Variants in RAPGEF5 observed in about 807,000 individuals in gnomAD.
RAPGEF5 encodes Rap guanine nucleotide exchange factor 5, also known as M-Ras-regulated GEF.
Under a neutral mutation model 125.2 loss-of-function variants are expected in RAPGEF5, and 65 were observed. The observed-to-expected ratio is 0.52, with a 90% CI of 0.43 to 0.64. The LOEUF is 0.64. RAPGEF5 is among the 30% of genes least tolerant of loss of function. RAPGEF5 has a pLI of 0.00. For synonymous variants in RAPGEF5, 391 were observed against 385.9 expected, an observed-to-expected ratio of 1.01 and a Z score of -0.16; for missense variants, 958 against 1,048.1, an observed-to-expected ratio of 0.91 and a Z score of 1.19.
intron 6 of RAPGEF5, among the ~76,000 whole-genome samples, chr7:22,283,834 C>T (rs892237571): frequency 6.6e-6 from 1 of 152,128 alleles, no homozygotes; most frequent in African/African-American, 2.4e-5. Flanking sequence ...TTCATTGAGA[C>T]ATTTTACCCT....
chr7:22,264,443 A>G (rs551611815), intron 7 of RAPGEF5, among the ~76,000 whole-genome samples: 5 of 152,354 alleles, frequency 3.3e-5, no homozygotes, highest in African/African-American at 1.2e-4. Flanking sequence ...TCACAACATA[A>G]TAAAATTGAC....
chr7:22,273,322 C>T lies in RAPGEF5; in HGVS notation c.748-6310G>A, dbSNP rs568027412. Among the ~76,000 whole-genome samples, 7 of 149,026 alleles carry T rather than the reference C, an allele frequency of 4.7e-5. No individual in the cohort carries two copies. The South Asian group carries it at 1.5e-3, about 32-fold the overall frequency. ...CAAGCTCCGCCTCCCGGGTTCACGC[C>T]ATTCTCCCGCCTCAGCCTCCTGAGT... On this transcript the variant is annotated intron_variant, in intron 6 of 25. Transcript: ENST00000665637.
At chr7:22,206,102 C>CT (rs1785390787) in intron 9 of RAPGEF5, among the ~76,000 whole-genome samples, 3 of 152,146 alleles carry the variant, frequency 2.0e-5, no homozygotes, top group Admixed American at 2.0e-4. Flanking sequence ...ATTGCAGAAT[C>CT]TGGGGGGAAG....
intron 7 of RAPGEF5, among the ~76,000 whole-genome samples, chr7:22,247,680 T>C (rs369724544): frequency 1.5e-3 from 225 of 152,248 alleles, no homozygotes; most frequent in African/African-American, 5.1e-3. Flanking sequence ...AGGGTATTTC[T>C]TCATAGCAGT....
Position 22,291,176 on chromosome 7 carries a change from G to A in RAPGEF5, c.746C>T (p.Ala249Val), listed in dbSNP as rs368581183. 5.5e-5 allele frequency: 87 copies of A among 1,588,516 alleles called. No individual in the cohort carries two copies. Among genetic ancestry groups the A allele is most frequent in the Admixed American group, 7.1e-5 (4 of 56,144 alleles). The change falls in exon 6 of 26, where the codon GCG becomes GTG. Residue 249 changes from alanine to valine, a missense_variant and splice_region_variant. Ala to Val is a moderately conservative substitution (Grantham distance 64, BLOSUM62 0). Transcript: ENST00000665637. The part of the protein sequence containing the change: ...SDEILVRLTS[A>V]VQRELAAVIA... ...GGCAGGAAAATTGCATGGTCTTACC[G>A]CAGATGTTAGACGCACAAGAATTTC... is the stretch of plus-strand genomic sequence containing the variant.
chr7:22,240,943 C>T (rs948660525), intron 7 of RAPGEF5, among the ~76,000 whole-genome samples: 1 of 152,194 alleles, frequency 6.6e-6, no homozygotes, highest in Admixed American at 6.5e-5. Context: ...GTGCTTTAGG[C>T]CATCTCATTT....
chr7:22,252,186 G>A (rs2128138523), intron 7 of RAPGEF5, among the ~76,000 whole-genome samples: 1 of 152,324 alleles, frequency 6.6e-6, no homozygotes, highest in Non-Finnish European at 1.5e-5. Context: ...ACATGTGCAA[G>A]AAGAAGTAGG....
In RAPGEF5 at chr7:22,123,336, A is replaced by AACAC. The variant is rs140529768; in HGVS notation, c.2537-819_2537-816dup. Among the ~76,000 whole-genome samples the AACAC allele has an allele frequency of 1.6e-4, 25 of 151,936 alleles. 1 individual carries two copies. In the East Asian group the frequency reaches 4.6e-3, roughly 28 times the overall value. ...GAGGCAAGCCCGTGCACCACAGTCA[A>AACAC]ACACACACACACACAAGCAAACCAT... On this transcript the variant is annotated intron_variant, in intron 25 of 25. Transcript: ENST00000665637.
chr7:22,349,468 G>C, intron 1 of RAPGEF5, among the ~76,000 whole-genome samples: 1 of 147,010 alleles, frequency 6.8e-6, no homozygotes, highest in South Asian at 2.2e-4. Context: ...AACATTAATT[G>C]ATTGTGCATT....
At chr7:22,310,148 A>G in intron 3 of RAPGEF5, 58 bp from the exon 4 acceptor site, 1 of 1,415,360 alleles carries the variant, frequency 7.1e-7, no homozygotes. Context: ...TTGCCAAAAA[A>G]ACAAAAATGA....
rs144604423 is a variant in RAPGEF5 at position 22,126,900 on chromosome 7, G to C, written c.2482-1242C>G. 2.6e-5 allele frequency among the ~76,000 whole-genome samples: 4 copies of C among 152,218 alleles called. No individual in the cohort carries two copies. In the East Asian group the frequency reaches 5.8e-4, roughly 22 times the overall value. On this transcript the variant is annotated intron_variant, in intron 24 of 25. Coordinates refer to ENST00000665637, the MANE Select transcript of RAPGEF5 (RefSeq NM_012294.5). ...GGCCTCCCAGAATGCTGAGATTATAGGTGTGAGCCACTGTGGCCGGCCAAC... is the reference window on the plus strand; with the variant it reads ...GGCCTCCCAGAATGCTGAGATTATACGTGTGAGCCACTGTGGCCGGCCAAC...
chr7:22,170,150 G>C (rs898318940), intron 11 of RAPGEF5, among the ~76,000 whole-genome samples: 1 of 152,136 alleles, frequency 6.6e-6, no homozygotes, highest in Non-Finnish European at 1.5e-5. Flanking sequence ...CGCCTCCCAG[G>C]TTCAAGTGAT....
chr7:22,136,202 C>T, intron 22 of RAPGEF5, 77 bp from the exon 23 acceptor site: 1 of 1,109,104 alleles, frequency 9.0e-7, no homozygotes, highest in Non-Finnish European at 1.3e-6. Context: ...ACCTTTGCTA[C>T]ACAATTTGAA....
chr7:22,322,164 C>T lies in RAPGEF5; in HGVS notation c.232-4127G>A, dbSNP rs1163068651. Reference sequence around the variant, plus strand: ...TTCTTTTTTTTTTTTGAGACAGGTTCTCACCATGTCGTCCAGGCTGGAGTG... The same window carrying T: ...TTCTTTTTTTTTTTTGAGACAGGTTTTCACCATGTCGTCCAGGCTGGAGTG... On this transcript the variant is annotated intron_variant, in intron 1 of 25. Coordinates refer to ENST00000665637, the MANE Select transcript of RAPGEF5 (RefSeq NM_012294.5). Among the ~76,000 whole-genome samples, 3 of 149,810 alleles carry T rather than the reference C, an allele frequency of 2.0e-5. No individual in the cohort carries two copies. In the East Asian group the frequency reaches 5.9e-4, roughly 29 times the overall value.
chr7:22,313,234 TA>T (rs1158633729), intron 3 of RAPGEF5, among the ~76,000 whole-genome samples: 7 of 152,256 alleles, frequency 4.6e-5, no homozygotes, highest in Non-Finnish European at 1.0e-4. Context: ...ATAGTAATGC[TA>T]CAATAATCTT....
intron 8 of RAPGEF5, among the ~76,000 whole-genome samples, chr7:22,226,922 C>T (rs771259096): frequency 2.6e-5 from 4 of 152,132 alleles, no homozygotes; most frequent in Non-Finnish European, 4.4e-5. Flanking sequence ...AGAAACCACA[C>T]TTACATGAAA....
At chr7:22,319,970 C>T (rs1783683379) in intron 1 of RAPGEF5, among the ~76,000 whole-genome samples, 1 of 152,154 alleles carries the variant, frequency 6.6e-6, no homozygotes, top group African/African-American at 2.4e-5. Flanking sequence ...CACACAATTC[C>T]ACTTAACAGA....
intron 7 of RAPGEF5, among the ~76,000 whole-genome samples, chr7:22,256,259 A>C (rs961628015): frequency 3.3e-5 from 5 of 152,208 alleles, no homozygotes; most frequent in Admixed American, 2.0e-4. Context: ...TAAACTCTAC[A>C]GAGTCCTTGA....
intron 7 of RAPGEF5, among the ~76,000 whole-genome samples, chr7:22,258,641 A>AG: frequency 6.6e-6 from 1 of 150,868 alleles, no homozygotes; most frequent in Non-Finnish European, 1.5e-5. Flanking sequence ...AAAAAAAAAA[A>AG]AAAAAAAAGA....
Sources: allele counts gnomAD v4.1 joint callset (sites outside exome capture counted in the v4.1 genomes callset), GRCh38; gene constraint gnomAD v4.1.1; transcripts MANE v1.5; gene names NCBI Gene and HGNC (gene_info 2026-07-23, HGNC 2026-07-21).